Variants in C8A observed in about 807,000 individuals in gnomAD.
The protein encoded by C8A is complement C8 alpha chain.
A neutral mutation model predicts 65.3 loss-of-function variants in C8A; 67 were observed. That is an observed-to-expected ratio of 1.03 (90% confidence interval 0.84 to 1.26). The LOEUF is 1.26. Ranked by LOEUF, C8A falls within the 50% of genes most tolerant of loss-of-function variation. C8A has a pLI of 0.00. For synonymous variants in C8A, 290 were observed against 259.4 expected, an observed-to-expected ratio of 1.12 and a Z score of -1.13; for missense variants, 781 against 723.9, an observed-to-expected ratio of 1.08 and a Z score of -0.90.
intron 4 of C8A, 44 bp downstream of exon 4, chr1:56,876,253 G>A: frequency 1.2e-6 from 2 of 1,611,714 alleles, no homozygotes; most frequent in East Asian, 2.2e-5. Context: ...GGAATGATTT[G>A]TCTTCAATCG....
intron 9 of C8A, among the ~76,000 whole-genome samples, chr1:56,910,215 G>A (rs1334046217): frequency 2.0e-5 from 3 of 152,174 alleles, no homozygotes; most frequent in African/African-American, 7.2e-5. Context: ...GTTTGTGAAT[G>A]TAGGAGTCCT....
At chr1:56,916,561 A>G (rs1040553535) in intron 10 of C8A, among the ~76,000 whole-genome samples, 3 of 152,172 alleles carry the variant, frequency 2.0e-5, no homozygotes, top group Non-Finnish European at 4.4e-5. Context: ...TAATCCAATG[A>G]TAGTCACACT....
chr1:56,913,841 G>A (rs1287411955), intron 10 of C8A, among the ~76,000 whole-genome samples: 4 of 152,168 alleles, frequency 2.6e-5, no homozygotes, highest in Non-Finnish European at 5.9e-5. Context: ...GGGTGGAGGG[G>A]GCTGAAGCCA....
chr1:56,890,897 T>G (rs192691204), intron 7 of C8A, among the ~76,000 whole-genome samples: 53 of 152,276 alleles, frequency 3.5e-4, no homozygotes, highest in African/African-American at 1.2e-3. Context: ...GTAGCCCCCA[T>G]ACTCATAGAT....
At chr1:56,875,397 T>A (rs1254153692) in intron 3 of C8A, among the ~76,000 whole-genome samples, 3 of 152,144 alleles carry the variant, frequency 2.0e-5, no homozygotes, top group Non-Finnish European at 4.4e-5. Flanking sequence ...CTATCTGCTG[T>A]TAATATAGAC....
chr1:56,915,252 T>A (rs1644541668), intron 10 of C8A, among the ~76,000 whole-genome samples: 1 of 152,070 alleles, frequency 6.6e-6, no homozygotes, highest in African/African-American at 2.4e-5. Context: ...GTGGGAGGTA[T>A]GCTGAAAGAG....
chr1:56,857,577 T>C (rs1429269849), intron 1 of C8A, among the ~76,000 whole-genome samples: 1 of 152,084 alleles, frequency 6.6e-6, no homozygotes, highest in African/African-American at 2.4e-5. Context: ...CTTTAGCTAG[T>C]CTAACAATCT....
intron 7 of C8A, among the ~76,000 whole-genome samples, chr1:56,897,253 T>C (rs886071571): frequency 2.6e-5 from 4 of 152,166 alleles, no homozygotes; most frequent in African/African-American, 9.7e-5. Flanking sequence ...CTGGGAGAAT[T>C]GTTAATGTTT....
intron 5 of C8A, among the ~76,000 whole-genome samples, chr1:56,882,028 T>C (rs1486148394): frequency 1.3e-5 from 2 of 152,162 alleles, no homozygotes; most frequent in African/African-American, 4.8e-5. Flanking sequence ...AGGGCATAGA[T>C]GAGCAGGATT....
chr1:56,905,388 T>G (rs549691576), intron 7 of C8A, among the ~76,000 whole-genome samples: 2 of 152,354 alleles, frequency 1.3e-5, no homozygotes, highest in Admixed American at 6.5e-5. Flanking sequence ...GACTTATGAC[T>G]TCTAAGTTTC....
intron 2 of C8A, among the ~76,000 whole-genome samples, chr1:56,869,174 C>T (rs1644119353): frequency 6.6e-6 from 1 of 152,128 alleles, no homozygotes; most frequent in Non-Finnish European, 1.5e-5. Context: ...TCACCCTCCC[C>T]ACCCTTCCAC....
At chr1:56,858,543 G>C (rs1436605731) in intron 1 of C8A, among the ~76,000 whole-genome samples, 1 of 152,160 alleles carries the variant, frequency 6.6e-6, no homozygotes, top group Non-Finnish European at 1.5e-5. Context: ...CCTATAGGCA[G>C]TTGATCCTAA....
chr1:56,866,940 T>C (rs181099271), intron 1 of C8A, among the ~76,000 whole-genome samples: 3 of 152,164 alleles, frequency 2.0e-5, no homozygotes, highest in Non-Finnish European at 4.4e-5. Flanking sequence ...CTAGTTCCAA[T>C]TTTGCCTCTG....
chr1:56,862,490 G>T (rs555496269), intron 1 of C8A, among the ~76,000 whole-genome samples: 1 of 152,250 alleles, frequency 6.6e-6, no homozygotes, highest in South Asian at 2.1e-4. Context: ...GAACAATATG[G>T]TGTATGCAGT....
intron 1 of C8A, among the ~76,000 whole-genome samples, chr1:56,863,099 T>C (rs1332349047): frequency 1.3e-5 from 2 of 152,204 alleles, no homozygotes; most frequent in Non-Finnish European, 2.9e-5. Flanking sequence ...AATGTAATAC[T>C]CAGTATGACC....
intron 7 of C8A, among the ~76,000 whole-genome samples, chr1:56,904,670 C>A (rs1435628830): frequency 6.6e-6 from 1 of 152,168 alleles, no homozygotes; most frequent in Admixed American, 6.5e-5. Flanking sequence ...ATATAATTAA[C>A]CTTCATGAAC....
At chr1:56,902,551 A>T (rs1313146605) in intron 7 of C8A, among the ~76,000 whole-genome samples, 1 of 152,168 alleles carries the variant, frequency 6.6e-6, no homozygotes, top group Non-Finnish European at 1.5e-5. Context: ...CAACTTTAAC[A>T]GTACAATACA....
chr1:56,886,580 G>A (rs1644302238), intron 7 of C8A, among the ~76,000 whole-genome samples: 1 of 152,034 alleles, frequency 6.6e-6, no homozygotes, highest in Admixed American at 6.6e-5. Context: ...CTTCACTCCG[G>A]TAGATCTCTA....
At chr1:56,862,978 A>G (rs964940805) in intron 1 of C8A, among the ~76,000 whole-genome samples, 1 of 152,140 alleles carries the variant, frequency 6.6e-6, no homozygotes, top group African/African-American at 2.4e-5. Context: ...ATACAGAAAA[A>G]CTGGGGACTC....
Sources: allele counts gnomAD v4.1 joint callset (sites outside exome capture counted in the v4.1 genomes callset), GRCh38; gene constraint gnomAD v4.1.1; transcripts MANE v1.5; gene names NCBI Gene and HGNC (gene_info 2026-07-23, HGNC 2026-07-21).